BCKDHB: variants seen among roughly 807,000 people sequenced by gnomAD.
BCKDHB encodes the protein 2-oxoisovalerate dehydrogenase subunit beta, mitochondrial.
Under a neutral mutation model 48.5 loss-of-function variants are expected in BCKDHB, and 41 were observed. The observed-to-expected ratio is 0.85, with a 90% CI of 0.66 to 1.10. BCKDHB has a LOEUF of 1.10. Ranked by LOEUF, BCKDHB falls within the 50% of genes least tolerant of loss-of-function variation. The pLI is 0.00. For missense variants in BCKDHB, 496 were observed against 494.2 expected (o/e 1.00, Z -0.03); for synonymous variants, 201 against 174.8 (o/e 1.15, Z -1.18).
the BCKDHB span, among the ~76,000 whole-genome samples, chr6:80,416,870 C>T: frequency 1.3e-5 from 2 of 151,148 alleles, no homozygotes; most frequent in Admixed American, 6.6e-5. Context: ...TCTATAAATG[C>T]CTATCAGGTC....
At chr6:80,439,774 G>C in the BCKDHB span, among the ~76,000 whole-genome samples, 1 of 152,104 alleles carries the variant, frequency 6.6e-6, no homozygotes. Context: ...TCTAAAGCTG[G>C]GCCTGGGATA....
chr6:80,212,405 A>G (rs1326922838), intron 8 of BCKDHB, among the ~76,000 whole-genome samples: 14 of 152,150 alleles, frequency 9.2e-5, no homozygotes, highest in Admixed American at 8.5e-4. Context: ...TTGCATGTCC[A>G]TTTATAGGCT....
chr6:80,167,953 C>A (rs1467087167), intron 4 of BCKDHB, 142 bp downstream of exon 4: 5 of 973,686 alleles, frequency 5.1e-6, no homozygotes, highest in Middle Eastern at 4.5e-4. Context: ...TTGTTATGAG[C>A]ATATATTTAA....
rs555515148 is a variant in BCKDHB at position 80,298,837 on chromosome 6, G to C, written c.1038+25616G>C. Among the ~76,000 whole-genome samples the C allele has an allele frequency of 5.9e-4, 90 of 152,186 alleles. 1 individual carries two copies. Among genetic ancestry groups the C allele is most frequent in the Admixed American group, 2.4e-3 (37 of 15,284 alleles). On this transcript the variant is annotated intron_variant, in intron 9 of 9. Transcript: ENST00000320393. Reference sequence around the variant, plus strand: ...CATTGCAGCCAACGCTGAATCAGAAGTTCAGTCTGCTGTTTGTTGGTCATG... The same window carrying C: ...CATTGCAGCCAACGCTGAATCAGAACTTCAGTCTGCTGTTTGTTGGTCATG...
In BCKDHB at chr6:80,129,158, C is replaced by A. The variant is rs1160602753; in HGVS notation, c.275-3C>A. ...AATGTATTATTTAAATACTGTTTTT[C>A]AGTAATATTTGGTGAAGATGTTGCC... On this transcript the variant is annotated splice_polypyrimidine_tract_variant and splice_region_variant and intron_variant, in intron 2 of 9. Transcript: ENST00000320393. The A allele has an allele frequency of 6.3e-7, 1 of 1,599,736 alleles. No individual in the cohort carries two copies. Among genetic ancestry groups the A allele is most frequent in the East Asian group, 2.2e-5 (1 of 44,722 alleles).
the BCKDHB span, among the ~76,000 whole-genome samples, chr6:80,420,060 G>T: frequency 1.3e-5 from 2 of 152,044 alleles, no homozygotes; most frequent in African/African-American, 4.8e-5. Context: ...TCCTGATGTT[G>T]TTTAATTGTC....
At chr6:80,169,798 T>A (rs1582277772) in intron 5 of BCKDHB, 1 of 1,601,594 alleles carries the variant, frequency 6.2e-7, no homozygotes, top group African/African-American at 1.3e-5. Context: ...TTCTTATTTG[T>A]TTTTTCTACC....
intron 8 of BCKDHB, among the ~76,000 whole-genome samples, chr6:80,269,205 C>A (rs1052919962): frequency 6.6e-6 from 1 of 151,954 alleles, no homozygotes; most frequent in Non-Finnish European, 1.5e-5. Context: ...CATAGAGTGG[C>A]CAAACAAGAA....
intron 9 of BCKDHB, among the ~76,000 whole-genome samples, chr6:80,287,733 A>G (rs1766699916): frequency 6.6e-6 from 1 of 152,124 alleles, no homozygotes; most frequent in South Asian, 2.1e-4. Context: ...TAAGGTGGGA[A>G]TTCCTGGTGG....
At chr6:80,330,059 G>T (rs1399971485) in intron 9 of BCKDHB, among the ~76,000 whole-genome samples, 1 of 151,892 alleles carries the variant, frequency 6.6e-6, no homozygotes, top group Non-Finnish European at 1.5e-5. Context: ...ATAGCAGGGT[G>T]TAGGAAAACA....
At chr6:80,169,796 T>C (rs768009398) in intron 5 of BCKDHB, 4 of 1,600,606 alleles carry the variant, frequency 2.5e-6, no homozygotes, top group Non-Finnish European at 3.4e-6. Flanking sequence ...TTTTCTTATT[T>C]GTTTTTTCTA....
chr6:80,168,759 A>G, intron 4 of BCKDHB, 116 bp from the exon 5 acceptor site: 1 of 1,152,294 alleles, frequency 8.7e-7, no homozygotes, highest in East Asian at 2.5e-5. Flanking sequence ...AGGGAGGGAA[A>G]GACTCATTGT....
the BCKDHB span, among the ~76,000 whole-genome samples, chr6:80,458,222 G>A: frequency 6.6e-6 from 1 of 152,292 alleles, no homozygotes; most frequent in East Asian, 1.9e-4. Context: ...GCAGATCAAA[G>A]GAAGGCTTCA....
At chr6:80,431,581 T>C in the BCKDHB span, among the ~76,000 whole-genome samples, 9 of 152,240 alleles carry the variant, frequency 5.9e-5, no homozygotes, top group Non-Finnish European at 1.0e-4. Context: ...GTAATGCCCT[T>C]CTTTGTCTCT....
chr6:80,277,638 G>A (rs1047729254), intron 9 of BCKDHB, among the ~76,000 whole-genome samples: 2 of 149,014 alleles, frequency 1.3e-5, no homozygotes, highest in Non-Finnish European at 3.0e-5. Context: ...TTTTAGGGAT[G>A]TGGTTGGCTT....
the BCKDHB span, among the ~76,000 whole-genome samples, chr6:80,449,682 T>C: frequency 6.6e-6 from 1 of 152,210 alleles, no homozygotes; most frequent in African/African-American, 2.4e-5. Context: ...AGGGTCATCA[T>C]GTCTGGTTGT....
chr6:80,231,511 G>A (rs569432876), intron 8 of BCKDHB, among the ~76,000 whole-genome samples: 75 of 152,230 alleles, frequency 4.9e-4, no homozygotes, highest in Admixed American at 2.0e-3. Flanking sequence ...TAAAAACAGG[G>A]CAAAGAACAG....
intron 9 of BCKDHB, among the ~76,000 whole-genome samples, chr6:80,324,473 G>T (rs1331326344): frequency 6.6e-6 from 1 of 152,176 alleles, no homozygotes; most frequent in East Asian, 1.9e-4. Context: ...AGGCAGAAAA[G>T]AGATGGGACT....
intron 3 of BCKDHB, among the ~76,000 whole-genome samples, chr6:80,148,320 C>T (rs1033529942): frequency 6.6e-6 from 1 of 152,158 alleles, no homozygotes; most frequent in Admixed American, 6.6e-5. Context: ...AGTCATCCTT[C>T]TGCATATATG....
Sources: allele counts gnomAD v4.1 joint callset (sites outside exome capture counted in the v4.1 genomes callset), GRCh38; gene constraint gnomAD v4.1.1; transcripts MANE v1.5; gene names NCBI Gene and HGNC (gene_info 2026-07-23, HGNC 2026-07-21).